The following NKAIN3 variants were observed in gnomAD, a reference collection of about 807,000 sequenced individuals.
The protein encoded by NKAIN3 is sodium/potassium transporting ATPase interacting 3, also known as sodium/potassium-transporting ATPase subunit beta-1-interacting protein 3.
A neutral mutation model predicts 30.2 loss-of-function variants in NKAIN3; 25 were observed. That is an observed-to-expected ratio of 0.83 (90% CI 0.60 to 1.16). The LOEUF (loss-of-function observed/expected upper bound fraction) is 1.16. NKAIN3 is among the 50% of genes most tolerant of loss of function. NKAIN3 has a pLI of 0.00. For missense variants in NKAIN3, 225 were observed against 254.1 expected, an observed-to-expected ratio of 0.89 and a Z score of 0.78; for synonymous variants, 91 against 89.6, an observed-to-expected ratio of 1.02 and a Z score of -0.09.
intron 1 of NKAIN3, among the ~76,000 whole-genome samples, chr8:62,321,156 C>T (rs1037044947): frequency 2.0e-5 from 3 of 152,124 alleles, no homozygotes; most frequent in East Asian, 1.9e-4. Flanking sequence ...TTGTCACGTA[C>T]TTCTCATGCC....
Position 62,731,234 on chromosome 8 carries a change from G to GACACACAC in NKAIN3, c.274-15665_274-15658dup, listed in dbSNP as rs67571816. Among the ~76,000 whole-genome samples, 814 of 143,732 alleles carry GACACACAC rather than the reference G, an allele frequency of 5.7e-3. 8 individuals are homozygous for GACACACAC. Among genetic ancestry groups the GACACACAC allele is most frequent in the African/African-American group, 0.02 (772 of 38,758 alleles). 94.3% of individuals were successfully genotyped at this position (143,732 alleles called of 152,430 possible). Reference sequence around the variant, plus strand: ...CCATTTCAGTGGACAGGGATCACAGGACACACACACACACACACACACACA... The same window carrying GACACACAC: ...CCATTTCAGTGGACAGGGATCACAGGACACACACACACACACACACACACACACACACA... On this transcript the variant is annotated intron_variant, in intron 3 of 6. Coordinates refer to ENST00000623646, the MANE Select transcript of NKAIN3 (RefSeq NM_001304533.3).
intron 3 of NKAIN3, among the ~76,000 whole-genome samples, chr8:62,599,527 T>C (rs533154516): frequency 1.3e-5 from 2 of 152,176 alleles, no homozygotes; most frequent in South Asian, 4.2e-4. Context: ...TGGTTCTCAT[T>C]ATTACCTTCA....
At chr8:62,441,349 A>G (rs1449513223) in intron 1 of NKAIN3, among the ~76,000 whole-genome samples, 1 of 152,038 alleles carries the variant, frequency 6.6e-6, no homozygotes, top group African/African-American at 2.4e-5. Context: ...GAAAAGAATT[A>G]ACATCTTTAC....
intron 3 of NKAIN3, among the ~76,000 whole-genome samples, chr8:62,597,610 C>A (rs1810872484): frequency 6.6e-6 from 1 of 151,792 alleles, no homozygotes; most frequent in Admixed American, 6.6e-5. Flanking sequence ...AATAACTGAC[C>A]AATGGCAAAA....
At chr8:62,913,235 T>C (rs1821978657) in intron 4 of NKAIN3, among the ~76,000 whole-genome samples, 1 of 151,104 alleles carries the variant, frequency 6.6e-6, no homozygotes. Flanking sequence ...CATTGTTTAC[T>C]ATCAATATCA....
intron 3 of NKAIN3, 70 bp from the exon 4 acceptor site, chr8:62,746,862 T>C: frequency 1.8e-6 from 2 of 1,115,420 alleles, no homozygotes; most frequent in Non-Finnish European, 2.6e-6. Context: ...GAATTCTTCC[T>C]AAGGTCAAAG....
At chr8:62,426,225 C>T (rs1804804405) in intron 1 of NKAIN3, among the ~76,000 whole-genome samples, 1 of 151,736 alleles carries the variant, frequency 6.6e-6, no homozygotes, top group African/African-American at 2.4e-5. Context: ...GACTTAATTA[C>T]CTTAGTTTTC....
At position 62,517,129 on chromosome 8, in the gene NKAIN3, A is replaced by C. The variant is rs1017276002; in HGVS notation, c.55-62410A>C. 2.6e-5 allele frequency among the ~76,000 whole-genome samples: 4 copies of C among 152,140 alleles called. 1 individual carries two copies. The highest frequency in any genetic ancestry group is 5.9e-5 in the Non-Finnish European group (4 of 68,006). On this transcript the variant is annotated intron_variant, in intron 1 of 6. Coordinates refer to ENST00000623646, the MANE Select transcript of NKAIN3 (RefSeq NM_001304533.3). The stretch of plus-strand genomic sequence containing the variant: ...CATAAATATTTATTGAATAAATTAT[A>C]ATTTTTTTTCTCTGATTGCAGAGGT...
At chr8:62,445,033 T>C (rs58826638) in intron 1 of NKAIN3, among the ~76,000 whole-genome samples, 85,176 of 151,872 alleles carry the variant, frequency 0.56, 26,026 homozygotes, top group East Asian at 0.67. Flanking sequence ...GCAACCTCTG[T>C]CTCCTAGGTT....
Position 62,873,814 on chromosome 8 carries a change from C to A in NKAIN3, c.472-44639C>A, listed in dbSNP as rs140230177. 4.1e-3 allele frequency among the ~76,000 whole-genome samples: 623 copies of A among 152,108 alleles called. 7 individuals carry two copies. Among genetic ancestry groups the A allele is most frequent in the African/African-American group, 0.014 (587 of 41,494 alleles). ...GAACAAAGAGGCAATATACCAGAAT[C>A]TCTGGGTTATGGCTAAAGCAGTGTT... On this transcript the variant is annotated intron_variant, in intron 4 of 6. Coordinates refer to ENST00000623646, the MANE Select transcript of NKAIN3 (RefSeq NM_001304533.3).
At chr8:62,543,140 C>T (rs1808896682) in intron 1 of NKAIN3, among the ~76,000 whole-genome samples, 1 of 152,144 alleles carries the variant, frequency 6.6e-6, no homozygotes, top group African/African-American at 2.4e-5. Context: ...AAGGGGTGAT[C>T]TCTTCAACAA....
intron 1 of NKAIN3, among the ~76,000 whole-genome samples, chr8:62,451,998 GA>G (rs886439892): frequency 2.6e-5 from 4 of 152,104 alleles, no homozygotes; most frequent in African/African-American, 9.7e-5. Flanking sequence ...GTAAATGTTT[GA>G]ACATTACAAT....
At chr8:62,827,880 A>C (rs962766433) in intron 4 of NKAIN3, among the ~76,000 whole-genome samples, 3 of 152,142 alleles carry the variant, frequency 2.0e-5, no homozygotes, top group African/African-American at 4.8e-5. Flanking sequence ...GAGCTACACC[A>C]AGGTATTATG....
At chr8:62,642,792 A>T (rs1352905397) in intron 3 of NKAIN3, among the ~76,000 whole-genome samples, 2 of 152,078 alleles carry the variant, frequency 1.3e-5, no homozygotes, top group Non-Finnish European at 1.5e-5. Flanking sequence ...ATGTAGGCAG[A>T]TTCCTCCCTC....
chr8:62,709,901 G>C lies in NKAIN3; in HGVS notation c.274-37031G>C, dbSNP rs377331839. ...TTAGCACCGCCTTTGCTGTATTCCA[G>C]AGTTTTTGATAGGTTGTGTCATTGT... On this transcript the variant is annotated intron_variant, in intron 3 of 6. Transcript: ENST00000623646. Among the ~76,000 whole-genome samples, 16 of 152,162 alleles carry C rather than the reference G, an allele frequency of 1.1e-4. No individual in the cohort carries two copies. The East Asian group carries it at 2.3e-3, about 22-fold the overall frequency.
intron 1 of NKAIN3, among the ~76,000 whole-genome samples, chr8:62,405,220 C>T (rs1236910102): frequency 3.3e-5 from 5 of 152,064 alleles, no homozygotes; most frequent in Non-Finnish European, 7.4e-5. Context: ...AGTTTCCTGC[C>T]ATTGGGCTAA....
chr8:62,542,838 G>A (rs1055175280), intron 1 of NKAIN3, among the ~76,000 whole-genome samples: 4 of 152,098 alleles, frequency 2.6e-5, no homozygotes, highest in Non-Finnish European at 4.4e-5. Context: ...TTTGCTATTT[G>A]TTTTTCCCAC....
intron 3 of NKAIN3, among the ~76,000 whole-genome samples, chr8:62,683,302 G>C (rs553156335): frequency 5.3e-5 from 8 of 152,288 alleles, no homozygotes; most frequent in African/African-American, 1.9e-4. Flanking sequence ...CCAAAGTGCT[G>C]AGATTATAGG....
chr8:62,733,386 A>G (rs1406192262), intron 3 of NKAIN3, among the ~76,000 whole-genome samples: 1 of 152,154 alleles, frequency 6.6e-6, no homozygotes, highest in African/African-American at 2.4e-5. Context: ...TTTGTCTGAA[A>G]TGCTTTTGTT....
Sources: gnomAD v4.1 joint callset for allele counts (sites outside exome capture counted in the v4.1 genomes callset) on GRCh38, gnomAD v4.1.1 for gene constraint, MANE v1.5 for transcripts, NCBI Gene and HGNC (gene_info 2026-07-23, HGNC 2026-07-21) for gene names.